The following EMC8 variants were observed in gnomAD, a reference collection of about 807,000 sequenced individuals.
EMC8 encodes the protein ER membrane protein complex subunit 8.
Under a neutral mutation model 24.3 loss-of-function variants are expected in EMC8, and 11 were observed. That is an observed-to-expected ratio of 0.45 (90% confidence interval 0.28 to 0.75). The LOEUF is 0.75. EMC8 is among the 30% of genes least tolerant of loss of function. EMC8 has a pLI of 0.12. For missense variants in EMC8, 277 were observed against 282.7 expected (o/e 0.98, Z 0.14); for synonymous variants, 145 against 117.7 (o/e 1.23, Z -1.50).
intron 1 of EMC8, among the ~76,000 whole-genome samples, chr16:85,797,952 C>T (rs753448914): frequency 3.9e-5 from 6 of 152,030 alleles, no homozygotes; most frequent in African/African-American, 1.2e-4. Context: ...CATTGATCAC[C>T]GGAACTGAAA....
intron 2 of EMC8, among the ~76,000 whole-genome samples, chr16:85,786,309 A>C (rs1402784521): frequency 6.6e-6 from 1 of 152,218 alleles, no homozygotes; most frequent in East Asian, 1.9e-4. Flanking sequence ...AAGAAGAGCA[A>C]ATTTTCAGCT....
chr16:85,780,652 G>A, intron 3 of EMC8, 179 bp from the exon 4 acceptor site: 2 of 593,908 alleles, frequency 3.4e-6, no homozygotes, highest in Non-Finnish European at 6.0e-6. Context: ...GTTGTGTCAT[G>A]CAGGAAAACG....
chr16:85,790,489 G>A (rs961117758), intron 1 of EMC8, among the ~76,000 whole-genome samples: 1 of 152,104 alleles, frequency 6.6e-6, no homozygotes, highest in Non-Finnish European at 1.5e-5. Context: ...ACTCCAAAAC[G>A]ACTCATATTT....
intron 3 of EMC8, 147 bp downstream of exon 3, chr16:85,781,064 G>T: frequency 1.6e-6 from 1 of 629,166 alleles, no homozygotes; most frequent in Non-Finnish European, 2.9e-6. Flanking sequence ...CTGGTCTGCA[G>T]CTGAGAGAAA....
Position 85,781,417 on chromosome 16 carries a change from C to G in EMC8, c.309-137G>C, listed in dbSNP as rs11860981. 7.3e-3 allele frequency: 4,788 copies of G among 652,746 alleles called. 121 individuals carry two copies. Among genetic ancestry groups the G allele is most frequent in the African/African-American group, 0.068 (3,774 of 55,322 alleles). 40.4% of individuals were successfully genotyped at this position (652,746 alleles called of 1,614,324 possible). ...GCCAACAGGCTGCACGTGCTCGCTT[C>G]GCTGGTTTACTTATTATTTAATTTT... On this transcript the variant is annotated intron_variant, in intron 2 of 4. Coordinates refer to ENST00000253457, the MANE Select transcript of EMC8 (RefSeq NM_006067.5).
intron 2 of EMC8, 83 bp from the exon 3 acceptor site, chr16:85,781,363 TAAC>T: frequency 1.1e-6 from 1 of 882,550 alleles, no homozygotes; most frequent in Non-Finnish European, 1.9e-6. Flanking sequence ...CACTGAGACT[TAAC>T]AAGCAATGAC....
rs1905425819 is a variant in EMC8 at position 85,798,928 on chromosome 16, C to A, written c.231+137G>T. The A allele has an allele frequency of 9.7e-6, 6 of 621,266 alleles. No individual in the cohort carries two copies. In the South Asian group the frequency reaches 1.2e-4, roughly 12 times the overall value. The allele number at this position is 621,266 out of a possible 1,614,324, so 38.5% of individuals were successfully genotyped here. A position where few individuals can be genotyped will look rare whatever the true frequency, so the allele number is the denominator to read the frequency against. On this transcript the variant is annotated intron_variant, in intron 1 of 4. Coordinates refer to ENST00000253457, the MANE Select transcript of EMC8 (RefSeq NM_006067.5). Reference sequence around the variant, plus strand: ...AGACCCAAGCGCCATCGTGGATCACCCCATTCCTGGCCACGGCAACCCTAG... The same window carrying A: ...AGACCCAAGCGCCATCGTGGATCACACCATTCCTGGCCACGGCAACCCTAG...
intron 1 of EMC8, among the ~76,000 whole-genome samples, chr16:85,792,111 TC>T (rs1159626810): frequency 6.6e-6 from 1 of 152,094 alleles, no homozygotes; most frequent in Non-Finnish European, 1.5e-5. Context: ...TGGTTAGGAC[TC>T]ATAGCCCAGT....
intron 3 of EMC8, chr16:85,780,772 T>C (rs1241427747): frequency 2.0e-6 from 1 of 492,982 alleles, no homozygotes; most frequent in East Asian, 3.7e-5. Flanking sequence ...CTTGATGTCA[T>C]CTGCTCACAT....
At chr16:85,780,061 G>A (rs899257330) in intron 4 of EMC8, 194 bp from the exon 5 acceptor site, 13 of 607,068 alleles carry the variant, frequency 2.1e-5, no homozygotes, top group East Asian at 1.1e-4. Flanking sequence ...TGGAAGGGAC[G>A]CCTTTCACGT....
At chr16:85,786,538 C>T (rs1904761919) in intron 2 of EMC8, among the ~76,000 whole-genome samples, 1 of 152,206 alleles carries the variant, frequency 6.6e-6, no homozygotes, top group Non-Finnish European at 1.5e-5. Flanking sequence ...CTGAGGTGTC[C>T]TCCTCAAACA....
chr16:85,797,835 GA>G (rs1905305442), intron 1 of EMC8, among the ~76,000 whole-genome samples: 2 of 152,280 alleles, frequency 1.3e-5, no homozygotes, highest in East Asian at 3.9e-4. Flanking sequence ...ATTCTTAAAT[GA>G]AAAACAAACA....
At chr16:85,787,771 T>G (rs1219021214) in intron 2 of EMC8, among the ~76,000 whole-genome samples, 3 of 152,160 alleles carry the variant, frequency 2.0e-5, no homozygotes, top group Non-Finnish European at 4.4e-5. Context: ...GAGTGCAGCA[T>G]CTCCTAGGAC....
intron 1 of EMC8, 104 bp downstream of exon 1, chr16:85,798,961 G>T: frequency 1.3e-6 from 1 of 780,532 alleles, no homozygotes; most frequent in Non-Finnish European, 2.0e-6. Context: ...TAGGGAGCGG[G>T]TCCTAGGAGC....
chr16:85,780,435 AG>A lies in EMC8; in HGVS notation c.416del (p.Pro139LeufsTer78). On this transcript the variant is annotated frameshift_variant, in exon 4 of 5. Coordinates refer to ENST00000253457, the MANE Select transcript of EMC8 (RefSeq NM_006067.5). LOFTEE classifies it high-confidence loss of function. Reference protein sequence around the residue: ...NTKFTMDCVAPTIHVYEHHEN... With the variant: ...NTKFTMDCVAXTIHVYEHHEN... The stretch of plus-strand genomic sequence containing the variant: ...CATGGTGCTCGTACACGTGGATCGT[AG>A]GCGCTACGCAGTCCATCGTAAACTT... 3 of 1,614,192 alleles carry A rather than the reference AG, an allele frequency of 1.9e-6. No homozygotes were observed. The highest frequency in any genetic ancestry group is 2.5e-6 in the Non-Finnish European group (3 of 1,180,010).
Position 85,796,877 on chromosome 16 carries a change from G to T in EMC8, c.231+2188C>A, listed in dbSNP as rs573897287. 1.4e-3 allele frequency among the ~76,000 whole-genome samples: 211 copies of T among 152,276 alleles called. 1 individual carries two copies. Among genetic ancestry groups the T allele is most frequent in the African/African-American group, 4.7e-3 (195 of 41,546 alleles). ...CCTTGCCACTTTTTTACTAAGCTCC[G>T]CCTGTGAGGTTTAGGTGCTGTGCTT... On this transcript the variant is annotated intron_variant, in intron 1 of 4. Transcript: ENST00000253457.
intron 1 of EMC8, among the ~76,000 whole-genome samples, chr16:85,791,456 C>T (rs1451466501): frequency 6.6e-6 from 1 of 152,176 alleles, no homozygotes; most frequent in Admixed American, 6.5e-5. Context: ...TGTCCTGATG[C>T]TCTCCCTCCC....
chr16:85,779,952 G>T, intron 4 of EMC8, 85 bp from the exon 5 acceptor site: 1 of 1,117,518 alleles, frequency 8.9e-7, no homozygotes. Context: ...CCAGCCACAT[G>T]CACAGTGGTA....
intron 2 of EMC8, 177 bp from the exon 3 acceptor site, chr16:85,781,457 G>T (rs183788684): frequency 1.5e-5 from 9 of 581,244 alleles, no homozygotes; most frequent in Non-Finnish European, 2.5e-5. Flanking sequence ...TAGAGATAGG[G>T]TCTTGCTCTG....
Sources: gnomAD v4.1 joint callset for allele counts (sites outside exome capture counted in the v4.1 genomes callset) on GRCh38, gnomAD v4.1.1 for gene constraint, MANE v1.5 for transcripts, NCBI Gene and HGNC (gene_info 2026-07-23, HGNC 2026-07-21) for gene names.